ACTA2: variants seen among roughly 807,000 people sequenced by gnomAD.
ACTA2 encodes actin, aortic smooth muscle.
In ACTA2, 12 loss-of-function variants were observed where a neutral mutation model predicts 39.5. The ratio of observed to expected loss-of-function variants is 0.30; its 90% CI spans 0.19 to 0.49. The LOEUF (loss-of-function observed/expected upper bound fraction) is 0.49, where lower values mean the gene tolerates loss of function less well. ACTA2 is among the 20% of genes least tolerant of loss of function. The pLI is 0.99. For synonymous variants in ACTA2, 158 were observed against 180.6 expected (o/e 0.88, Z 1.00); for missense variants, 236 against 498.8 (o/e 0.47, Z 5.02).
intron 1 of ACTA2, among the ~76,000 whole-genome samples, chr10:88,957,861 G>A (rs1041718881): frequency 2.6e-5 from 4 of 151,930 alleles, no homozygotes; most frequent in Non-Finnish European, 4.4e-5. Context: ...ACCGCCTACC[G>A]GGTTCAAGTG....
At chr10:88,988,416 G>GTTT (rs748275082) in intron 1 of ACTA2, among the ~76,000 whole-genome samples, 2 of 12,472 alleles carry the variant, frequency 1.6e-4, no homozygotes, top group African/African-American at 7.5e-4. Context: ...AGATGTAGAA[G>GTTT]TTTTTTTTTT....
intron 1 of ACTA2, among the ~76,000 whole-genome samples, chr10:88,967,852 T>A (rs994587976): frequency 6.6e-6 from 1 of 152,212 alleles, no homozygotes; most frequent in Non-Finnish European, 1.5e-5. Flanking sequence ...GCAAAGTTGT[T>A]CCCTTTCTTC....
At chr10:88,939,095 T>C (rs1360082220) in intron 7 of ACTA2, among the ~76,000 whole-genome samples, 1 of 152,120 alleles carries the variant, frequency 6.6e-6, no homozygotes, top group African/African-American at 2.4e-5. Context: ...CCTGCCTCTG[T>C]AAACAACTAT....
At position 88,935,152 on chromosome 10, in the gene ACTA2, A is replaced by G; in HGVS notation, c.*71T>C. 11 of 1,591,874 alleles carry G rather than the reference A, an allele frequency of 6.9e-6. No homozygotes were observed. Among genetic ancestry groups the G allele is most frequent in the Non-Finnish European group, 9.5e-6 (11 of 1,162,994 alleles). On this transcript the variant is annotated 3_prime_UTR_variant, in exon 9 of 9. Coordinates refer to ENST00000224784, the MANE Select transcript of ACTA2 (RefSeq NM_001613.4). Reference sequence around the variant, plus strand: ...GCTTTGGCTAGGAATGATTTGGAAAAGAACTGAAGGCATAATTCCACAGGA... The same window carrying G: ...GCTTTGGCTAGGAATGATTTGGAAAGGAACTGAAGGCATAATTCCACAGGA...
upstream of ACTA2, among the ~76,000 whole-genome samples, chr10:88,953,856 C>T (rs186145252): frequency 3.6e-3 from 545 of 152,268 alleles, 2 homozygotes; most frequent in African/African-American, 0.013. Flanking sequence ...CGCCTCTTCC[C>T]CTTTTGCCAT....
chr10:88,960,838 C>T (rs1846215753), intron 1 of ACTA2, among the ~76,000 whole-genome samples: 1 of 152,086 alleles, frequency 6.6e-6, no homozygotes, highest in South Asian at 2.1e-4. Flanking sequence ...GCTATCTTAC[C>T]AAGGGGAAAT....
chr10:88,963,611 C>T (rs185267959), intron 1 of ACTA2, among the ~76,000 whole-genome samples: 27 of 152,136 alleles, frequency 1.8e-4, no homozygotes, highest in Admixed American at 6.6e-4. Context: ...ATAGCAAATA[C>T]TTTTGGATCA....
chr10:88,978,339 T>G (rs1364292293), intron 1 of ACTA2, among the ~76,000 whole-genome samples: 1 of 151,086 alleles, frequency 6.6e-6, no homozygotes, highest in Non-Finnish European at 1.5e-5. Context: ...GCATGGCACA[T>G]GTATACATAT....
chr10:88,971,516 A>G (rs538823024), intron 1 of ACTA2, among the ~76,000 whole-genome samples: 14 of 152,300 alleles, frequency 9.2e-5, no homozygotes, highest in African/African-American at 3.4e-4. Flanking sequence ...CTCAAATCCC[A>G]TCTGATACAG....
chr10:88,939,487 A>G lies in ACTA2; in HGVS notation c.808+20T>C. The G allele has an allele frequency of 1.2e-6, 2 of 1,612,264 alleles. No individual in the cohort carries two copies. The highest frequency in any genetic ancestry group is 1.7e-6 in the Non-Finnish European group (2 of 1,179,806). Reference sequence around the variant, plus strand: ...AAGACAATGACTCCCCTTCCCAGGAAAAGGGCGTTTGTTGCCTACCGATGA... The same window carrying G: ...AAGACAATGACTCCCCTTCCCAGGAGAAGGGCGTTTGTTGCCTACCGATGA... On this transcript the variant is annotated intron_variant, in intron 7 of 8. Coordinates refer to ENST00000224784, the MANE Select transcript of ACTA2 (RefSeq NM_001613.4).
intron 1 of ACTA2, among the ~76,000 whole-genome samples, chr10:88,979,514 A>T (rs1846656827): frequency 1.3e-5 from 2 of 152,222 alleles, no homozygotes; most frequent in South Asian, 4.1e-4. Flanking sequence ...AAGTGTAGGC[A>T]GCAATAACCC....
intron 1 of ACTA2, among the ~76,000 whole-genome samples, chr10:88,971,110 A>C (rs1342895811): frequency 6.6e-6 from 1 of 152,238 alleles, no homozygotes; most frequent in Non-Finnish European, 1.5e-5. Flanking sequence ...ATTTTCAAGC[A>C]ATGCTTAGCC....
intron 1 of ACTA2, among the ~76,000 whole-genome samples, chr10:88,987,289 A>G (rs1749530856): frequency 6.6e-6 from 1 of 152,258 alleles, no homozygotes; most frequent in South Asian, 2.1e-4. Flanking sequence ...CAAAAGAATT[A>G]TTATACTGAT....
intron 1 of ACTA2, among the ~76,000 whole-genome samples, chr10:88,987,114 CTT>C (rs1157835438): frequency 6.6e-6 from 1 of 152,200 alleles, no homozygotes; most frequent in African/African-American, 2.4e-5. Flanking sequence ...TATTAATAGA[CTT>C]TGTCACTTGG....
intron 1 of ACTA2, among the ~76,000 whole-genome samples, chr10:88,984,899 A>G (rs1326847337): frequency 6.6e-6 from 1 of 152,174 alleles, no homozygotes; most frequent in Non-Finnish European, 1.5e-5. Flanking sequence ...AAAATATGGT[A>G]TTCTTCATGG....
intron 8 of ACTA2, 137 bp downstream of exon 8, chr10:88,937,924 G>A (rs1350383960): frequency 1.1e-6 from 1 of 912,226 alleles, no homozygotes; most frequent in South Asian, 1.5e-5. Context: ...TGTAAAATAT[G>A]AGATTTGTGT....
intron 1 of ACTA2, among the ~76,000 whole-genome samples, chr10:88,982,088 T>G (rs921687455): frequency 6.6e-6 from 1 of 152,250 alleles, no homozygotes; most frequent in Non-Finnish European, 1.5e-5. Context: ...AGTATGTTGT[T>G]ATATGCGAGA....
intron 1 of ACTA2, among the ~76,000 whole-genome samples, chr10:88,949,216 G>A (rs547068023): frequency 1.2e-4 from 18 of 152,190 alleles, no homozygotes; most frequent in East Asian, 1.9e-4. Context: ...ATGTGTTCTC[G>A]TGAGCACTTT....
chr10:88,941,462 A>T, intron 5 of ACTA2, 72 bp from the exon 6 acceptor site: 1 of 1,589,848 alleles, frequency 6.3e-7, no homozygotes, highest in South Asian at 1.1e-5. Flanking sequence ...AAGTAGAGGG[A>T]AGCCTTGGGG....
Sources: allele counts gnomAD v4.1 joint callset (sites outside exome capture counted in the v4.1 genomes callset), GRCh38; gene constraint gnomAD v4.1.1; transcripts MANE v1.5; gene names NCBI Gene and HGNC (gene_info 2026-07-23, HGNC 2026-07-21).